The following RAD50 variants were observed in gnomAD, a reference collection of about 807,000 sequenced individuals.
RAD50 encodes DNA repair protein RAD50.
In RAD50, 132 loss-of-function variants were observed where a neutral mutation model predicts 168.8. The ratio of observed to expected loss-of-function variants is 0.78; its 90% CI spans 0.68 to 0.90. RAD50 has a LOEUF of 0.90. Ranked by LOEUF, RAD50 falls within the 40% of genes least tolerant of loss-of-function variation. RAD50 has a pLI of 0.00. For synonymous variants in RAD50, 525 were observed against 497.4 expected, an observed-to-expected ratio of 1.06 and a Z score of -0.74; for missense variants, 1,347 against 1,534.4, an observed-to-expected ratio of 0.88 and a Z score of 2.04.
At chr5:132,626,870 CT>C (rs986071116) in intron 21 of RAD50, among the ~76,000 whole-genome samples, 14 of 148,630 alleles carry the variant, frequency 9.4e-5, no homozygotes, top group Admixed American at 1.3e-4. Flanking sequence ...TGGCCCCCTG[CT>C]TTTTTTTTTA....
rs1581008368 is a variant in RAD50, at chr5:132,616,006, C to T, written c.3040C>T (p.Gln1014Ter). 1.3e-6 allele frequency: 2 copies of T among 1,579,438 alleles called. No homozygotes were observed. The highest frequency in any genetic ancestry group is 1.7e-6 in the Non-Finnish European group (2 of 1,149,232). Residue 1014 changes from glutamine (Q) to a stop codon, truncating the protein, a stop_gained, in exon 20 of 25, where the codon CAA (glutamine) becomes TAA (stop). Transcript: ENST00000378823. LOFTEE classifies it high-confidence loss of function. ...MRQDIDTQKI[Q>*]ERWLQDNLTL... The stretch of plus-strand genomic sequence containing the variant: ...CTAATTTAATGTTTACCTTTAGATA[C>T]AAGAAAGGTGGCTACAAGATAACCT...
At chr5:132,579,624 A>T in intron 4 of RAD50, 122 bp downstream of exon 4, 1 of 1,012,502 alleles carries the variant, frequency 9.9e-7, no homozygotes, top group Non-Finnish European at 1.5e-6. Flanking sequence ...ACTACCTCTC[A>T]TCCAGCAGCA....
At chr5:132,564,001 A>T (rs1750165680) in intron 2 of RAD50, among the ~76,000 whole-genome samples, 3 of 152,162 alleles carry the variant, frequency 2.0e-5, no homozygotes, top group Admixed American at 2.0e-4. Flanking sequence ...CTCCGCAGTC[A>T]TGCTTCCTGT....
intron 5 of RAD50, among the ~76,000 whole-genome samples, chr5:132,584,894 A>G (rs868762865): frequency 5.7e-5 from 8 of 139,978 alleles, no homozygotes; most frequent in Non-Finnish European, 7.6e-5. Flanking sequence ...GAATTGAACA[A>G]TGAGAACACT....
intron 5 of RAD50, among the ~76,000 whole-genome samples, chr5:132,580,900 G>T (rs927081489): frequency 6.6e-6 from 1 of 151,894 alleles, no homozygotes; most frequent in Non-Finnish European, 1.5e-5. Context: ...TATTGATTTG[G>T]TTTTTAAAAA....
In RAD50 at chr5:132,608,666, C is replaced by T. The variant is rs1554099320; in HGVS notation, c.2770C>T (p.Gln924Ter). Residue 924 changes from glutamine (Q) to a stop codon, truncating the protein, a stop_gained, in exon 17 of 25, where the codon CAA becomes TAA. Transcript: ENST00000378823. LOFTEE classifies it high-confidence loss of function. The part of the protein sequence containing the change: ...PLETTLEKFQ[Q>*]EKEELINKKN... Reference sequence around the variant, plus strand: ...GGAAACAACATTGGAAAAGTTCCAGCAAGAAAAAGAAGAATTAATCAACAA... The same window carrying T: ...GGAAACAACATTGGAAAAGTTCCAGTAAGAAAAAGAAGAATTAATCAACAA... 2 of 1,600,206 alleles carry T rather than the reference C, an allele frequency of 1.2e-6. No individual in the cohort carries two copies. The highest frequency in any genetic ancestry group is 2.7e-5 in the African/African-American group (2 of 73,920).
chr5:132,579,614 A>G, intron 4 of RAD50, 112 bp downstream of exon 4: 1 of 1,107,090 alleles, frequency 9.0e-7, no homozygotes, highest in South Asian at 1.4e-5. Context: ...GTCATCAGTT[A>G]CTACCTCTCA....
At chr5:132,581,878 T>A (rs1750511332) in intron 5 of RAD50, among the ~76,000 whole-genome samples, 3 of 152,144 alleles carry the variant, frequency 2.0e-5, no homozygotes, top group Non-Finnish European at 2.9e-5. Flanking sequence ...TTTTTTCTTC[T>A]TTCCCCCTTG....
In RAD50 at chr5:132,643,966, T is replaced by G. The variant is rs1751797579; in HGVS notation, c.*1602T>G. The G allele has an allele frequency of 4.4e-6, 1 of 228,068 alleles. No individual in the cohort carries two copies. The highest frequency in any genetic ancestry group is 8.7e-6 in the Non-Finnish European group (1 of 115,012). 14.1% of individuals were successfully genotyped at this position (228,068 alleles called of 1,614,324 possible). ...TCCTAGCTTTAGCAAACTCACAGTT[T>G]TGCAAATAATATTTTCTTAATGTTA... is the stretch of plus-strand genomic sequence containing the variant. On this transcript the variant is annotated 3_prime_UTR_variant, in exon 25 of 25. Coordinates refer to ENST00000378823, the MANE Select transcript of RAD50 (RefSeq NM_005732.4).
At chr5:132,619,998 A>G (rs1751259678) in intron 21 of RAD50, among the ~76,000 whole-genome samples, 1 of 149,472 alleles carries the variant, frequency 6.7e-6, no homozygotes. Context: ...TCTGCCTCCC[A>G]GGTTCACGCC....
At chr5:132,572,055 C>T (rs1192891348) in intron 2 of RAD50, among the ~76,000 whole-genome samples, 1 of 151,946 alleles carries the variant, frequency 6.6e-6, no homozygotes, top group African/African-American at 2.4e-5. Context: ...CGTACTGGGA[C>T]AAGTGAATTA....
chr5:132,575,586 A>G (rs1750380261), intron 2 of RAD50, among the ~76,000 whole-genome samples, 191 bp from the exon 3 acceptor site: 1 of 152,216 alleles, frequency 6.6e-6, no homozygotes, highest in East Asian at 1.9e-4. Context: ...GGAGGTAGAT[A>G]GTATATCATT....
chr5:132,558,477 G>A (rs1269256929), intron 1 of RAD50, among the ~76,000 whole-genome samples: 1 of 152,114 alleles, frequency 6.6e-6, no homozygotes, highest in Non-Finnish European at 1.5e-5. Flanking sequence ...TTGGGAGGCC[G>A]AGGCGGGTGG....
chr5:132,625,904 CTTT>C, intron 21 of RAD50, among the ~76,000 whole-genome samples: 1 of 145,598 alleles, frequency 6.9e-6, no homozygotes, highest in South Asian at 2.2e-4. Context: ...ATATGAACAA[CTTT>C]TTTTTTTTTT....
intron 14 of RAD50, 97 bp from the exon 15 acceptor site, chr5:132,603,823 T>C: frequency 8.5e-7 from 1 of 1,181,450 alleles, no homozygotes; most frequent in Non-Finnish European, 1.2e-6. Context: ...TTTATAAGTT[T>C]AGATTTAAAA....
rs1203318933 is a variant in RAD50 at position 132,645,501 on chromosome 5, T to C, written c.*3137T>C. ...GAGTCTGCACCTCTTTTCTTCTCTG[T>C]GCTCACTTATTTGGTGATCTCATCC... On this transcript the variant is annotated 3_prime_UTR_variant, in exon 25 of 25. Transcript: ENST00000378823. 1.3e-5 allele frequency: 2 copies of C among 152,314 alleles called. No homozygotes were observed. The highest frequency in any genetic ancestry group is 2.9e-5 in the Non-Finnish European group (2 of 68,076). The allele number at this position is 152,314 out of a possible 1,614,324, so 9.4% of individuals were successfully genotyped here.
chr5:132,612,944 T>G (rs1420563434), intron 19 of RAD50, among the ~76,000 whole-genome samples: 1 of 152,128 alleles, frequency 6.6e-6, no homozygotes, highest in African/African-American at 2.4e-5. Flanking sequence ...TTCTAATATA[T>G]CCCTTTAGCT....
intron 14 of RAD50, 132 bp from the exon 15 acceptor site, chr5:132,603,786 CTT>C (rs1299029775): frequency 2.2e-6 from 2 of 927,590 alleles, no homozygotes; most frequent in Non-Finnish European, 3.2e-6. Flanking sequence ...TCCTATTAAA[CTT>C]TGCTAAAATT....
At chr5:132,619,885 T>TATAG (rs1554099997) in intron 21 of RAD50, among the ~76,000 whole-genome samples, 6 of 121,222 alleles carry the variant, frequency 4.9e-5, no homozygotes, top group African/African-American at 2.1e-4. Flanking sequence ...TATATATATA[T>TATAG]AGAGAGAGAG....
Sources: allele counts gnomAD v4.1 joint callset (sites outside exome capture counted in the v4.1 genomes callset), GRCh38; gene constraint gnomAD v4.1.1; transcripts MANE v1.5; gene names NCBI Gene and HGNC (gene_info 2026-07-23, HGNC 2026-07-21).